The following CFAP46 variants were observed in gnomAD, a reference collection of about 807,000 sequenced individuals.
The protein encoded by CFAP46 is cilia- and flagella-associated protein 46.
In CFAP46, 245 loss-of-function variants were observed where a neutral mutation model predicts 325.7. That is an observed-to-expected ratio of 0.75 (90% confidence interval 0.68 to 0.84). The LOEUF is 0.84. Ranked by LOEUF, CFAP46 falls within the 40% of genes least tolerant of loss-of-function variation. The pLI is 0.00. For missense variants in CFAP46, 3,346 were observed against 3,543.0 expected (o/e 0.94, Z 1.41); for synonymous variants, 1,523 against 1,495.9 (o/e 1.02, Z -0.42).
intron 15 of CFAP46, 139 bp from the exon 16 acceptor site, chr10:132,918,659 G>A: frequency 8.6e-7 from 1 of 1,167,068 alleles, no homozygotes; most frequent in Non-Finnish European, 1.1e-6. Flanking sequence ...CGGGTAGGCG[G>A]GAGGTGGGCA....
rs996732266 is a variant in CFAP46 at position 132,920,174 on chromosome 10, C to G, written c.1615G>C (p.Gly539Arg). 6.5e-7 allele frequency: 1 copy of G among 1,538,542 alleles called. No homozygotes were observed. Among genetic ancestry groups the G allele is most frequent in the Non-Finnish European group, 8.8e-7 (1 of 1,142,304 alleles). Residue 539 changes from glycine (G) to arginine (R), a missense_variant, in exon 14 of 58, where the codon GGG (glycine) becomes CGG (arginine). Transcript: ENST00000368586. The stretch of plus-strand genomic sequence containing the variant: ...TAGGTGAACCGGCCCCTGTTCTTCC[C>G]GGTGGAGACTGAGGGCGGAAATGCA... ...DSENEAKVSTGKNRGRFTYLC... is the reference protein window; with the variant it reads ...DSENEAKVSTRKNRGRFTYLC...
Position 132,926,443 on chromosome 10 carries a change from G to A in CFAP46, c.1065+125C>T, listed in dbSNP as rs181529278. On this transcript the variant is annotated intron_variant, in intron 10 of 57. Transcript: ENST00000368586. ...CACCCGCTGTCACGGGAGCCAGGGC[G>A]AGTCTAGCAGTGGGGTCCAGGCCAT... The A allele has an allele frequency of 4.6e-4, 319 of 695,084 alleles. 1 individual carries two copies. The Admixed American group carries it at 6.3e-3, about 14-fold the overall frequency. 43.1% of individuals were successfully genotyped at this position (695,084 alleles called of 1,614,324 possible). A position where few individuals can be genotyped will look rare whatever the true frequency, so the allele number is the denominator to read the frequency against.
At chr10:132,822,860 T>TGA (rs1847905572) in intron 50 of CFAP46, among the ~76,000 whole-genome samples, 1 of 142,994 alleles carries the variant, frequency 7.0e-6, no homozygotes, top group Non-Finnish European at 1.5e-5. Context: ...CTGTGTGCTG[T>TGA]GTGCGGTGAT....
intron 33 of CFAP46, among the ~76,000 whole-genome samples, chr10:132,867,855 C>T (rs1848839624): frequency 6.6e-6 from 1 of 152,174 alleles, no homozygotes; most frequent in African/African-American, 2.4e-5. Context: ...CTACAGGTCC[C>T]TGGGTGGGCT....
rs998991884 is a variant in CFAP46 at position 132,832,399 on chromosome 10, C to CA, written c.7117+958_7117+959insT. Reference sequence around the variant, plus strand: ...CCTGGGCTCTTCCTGCCCCCCCCCCCCAATGCTGTGGCCTGGAAATTCCCC... The same window carrying CA: ...CCTGGGCTCTTCCTGCCCCCCCCCCCACAATGCTGTGGCCTGGAAATTCCCC... On this transcript the variant is annotated intron_variant, in intron 50 of 57. Coordinates refer to ENST00000368586, the MANE Select transcript of CFAP46 (RefSeq NM_001200049.3). The surrounding 1 kb of genome is among the most constrained non-coding windows in gnomAD (Gnocchi z 4.1). Among the ~76,000 whole-genome samples the CA allele has an allele frequency of 2.3e-5, 3 of 131,066 alleles. No homozygotes were observed. The highest frequency in any genetic ancestry group is 7.4e-5 in the Admixed American group (1 of 13,550). The allele number at this position is 131,066 out of a possible 152,430, so 86.0% of individuals were successfully genotyped here. A position where few individuals can be genotyped will look rare whatever the true frequency, so the allele number is the denominator to read the frequency against.
At chr10:132,898,227 G>A (rs1352238774) in intron 24 of CFAP46, among the ~76,000 whole-genome samples, 1 of 152,190 alleles carries the variant, frequency 6.6e-6, no homozygotes, top group Non-Finnish European at 1.5e-5. Flanking sequence ...TCCCAGCAGG[G>A]AGCTGCATCC....
chr10:132,897,872 G>A (rs899255985), intron 24 of CFAP46, among the ~76,000 whole-genome samples: 1 of 152,204 alleles, frequency 6.6e-6, no homozygotes, highest in Non-Finnish European at 1.5e-5. Flanking sequence ...CAGCCCAGAG[G>A]CCCCGACACA....
In CFAP46 at chr10:132,880,973, A is replaced by G. The variant is rs951305148; in HGVS notation, c.3687T>C (p.His1229=). 6.4e-7 allele frequency: 1 copy of G among 1,550,480 alleles called. No individual in the cohort carries two copies. The highest frequency in any genetic ancestry group is 2.0e-5 in the Admixed American group (1 of 51,006). Residue 1229 remains histidine, a synonymous_variant, in exon 28 of 58, where the codon CAT becomes CAC. Coordinates refer to ENST00000368586, the MANE Select transcript of CFAP46 (RefSeq NM_001200049.3). ...EYLMEFGQWL[H]HRHFPLEDVV... ...CGTCCTCGAGAGGAAAGTGTCTGTG[A>G]TGGAGCCACTGGCCGAACTCCATGA...
Position 132,919,980 on chromosome 10 carries a change from CCG to C in CFAP46, c.1730+77_1730+78del. ...ACGGCCACATGCAGGGTCAGCTCAG[CCG>C]CCACAGACACTGGCCCTCGGGCTGA... On this transcript the variant is annotated intron_variant, in intron 14 of 57. Transcript: ENST00000368586. This position sits in a 1 kb window ranked among gnomAD's most constrained non-coding sequence, Gnocchi z 9.7. 7.0e-7 allele frequency: 1 copy of C among 1,422,030 alleles called. No individual in the cohort carries two copies. The highest frequency in any genetic ancestry group is 9.2e-7 in the Non-Finnish European group (1 of 1,087,140). 88.1% of individuals were successfully genotyped at this position (1,422,030 alleles called of 1,614,324 possible). A position where few individuals can be genotyped will look rare whatever the true frequency, so the allele number is the denominator to read the frequency against.
intron 54 of CFAP46, among the ~76,000 whole-genome samples, chr10:132,813,418 C>T (rs1287874060): frequency 6.9e-6 from 1 of 144,448 alleles, no homozygotes; most frequent in African/African-American, 2.6e-5. Flanking sequence ...ACACCTGCCC[C>T]TGCAGCCCCA....
At position 132,929,491 on chromosome 10, in the gene CFAP46, G is replaced by A. The variant is rs748498102; in HGVS notation, c.966+214C>T. Reference sequence around the variant, plus strand: ...TGGTGCTGTGGACCCGTGGCCACAAGAAAGGTAAAGAGAAACGGGCAGGTG... The same window carrying A: ...TGGTGCTGTGGACCCGTGGCCACAAAAAAGGTAAAGAGAAACGGGCAGGTG... On this transcript the variant is annotated intron_variant, in intron 9 of 57. Coordinates refer to ENST00000368586, the MANE Select transcript of CFAP46 (RefSeq NM_001200049.3). 5 of 776,046 alleles carry A rather than the reference G, an allele frequency of 6.4e-6. No homozygotes were observed. In the African/African-American group the frequency reaches 8.5e-5, roughly 13 times the overall value. 48.1% of individuals were successfully genotyped at this position (776,046 alleles called of 1,614,324 possible).
At chr10:132,810,664 C>T (rs1847561788) in intron 56 of CFAP46, 175 bp from the exon 57 acceptor site, 3 of 742,378 alleles carry the variant, frequency 4.0e-6, no homozygotes, top group East Asian at 2.7e-5. Flanking sequence ...TCTTGACGCC[C>T]ACCAGGCTCA....
intron 44 of CFAP46, among the ~76,000 whole-genome samples, chr10:132,839,478 C>T (rs1485036388): frequency 2.6e-5 from 4 of 152,220 alleles, no homozygotes; most frequent in African/African-American, 4.8e-5. Context: ...GAACAGCACC[C>T]GAGTTCTTCA....
chr10:132,852,608 G>A (rs1009360096), intron 39 of CFAP46, among the ~76,000 whole-genome samples: 8 of 152,104 alleles, frequency 5.3e-5, no homozygotes, highest in East Asian at 1.9e-4. Context: ...CCACAGACGC[G>A]GTCTGTTTCT....
chr10:132,844,016 C>G (rs74793054), intron 44 of CFAP46, among the ~76,000 whole-genome samples: 38 of 98,906 alleles, frequency 3.8e-4, no homozygotes, highest in Admixed American at 1.2e-3. Context: ...CTGTGGGGCT[C>G]TGGTCTCGGT....
At position 132,808,440 on chromosome 10, in the gene CFAP46, A is replaced by G. The variant is rs1591025018; in HGVS notation, c.8129T>C (p.Val2710Ala). 1.2e-6 allele frequency: 2 copies of G among 1,605,928 alleles called. No individual in the cohort carries two copies. The highest frequency in any genetic ancestry group is 1.7e-5 in the Admixed American group (1 of 59,788). ...GAACACTCAAATCAAAAACAGGCTCACGGTCTGAATAGTCTTCTGGTCTAA... is the reference window on the plus strand; with the variant it reads ...GAACACTCAAATCAAAAACAGGCTCGCGGTCTGAATAGTCTTCTGGTCTAA... ...SCLDQKTIQTVSLFLI is the reference protein window; with the variant it reads ...SCLDQKTIQTASLFLI The change falls in exon 58 of 58, where the codon GTG becomes GCG. Residue 2710 changes from valine to alanine, a missense_variant. Transcript: ENST00000368586. The surrounding 1 kb of genome is among the most constrained non-coding windows in gnomAD (Gnocchi z 6.8).
chr10:132,937,709 G>A (rs780281355), intron 5 of CFAP46, 34 bp from the exon 6 acceptor site: 1 of 1,567,856 alleles, frequency 6.4e-7, no homozygotes, highest in Non-Finnish European at 8.6e-7. Context: ...GGTCAACCTG[G>A]TTGAAACTGT....
At chr10:132,913,920 C>T (rs1161360734) in intron 17 of CFAP46, among the ~76,000 whole-genome samples, 2 of 151,942 alleles carry the variant, frequency 1.3e-5, no homozygotes, top group African/African-American at 4.8e-5. Context: ...TCCAGTTTGT[C>T]CTCATCCTCC....
chr10:132,818,810 C>T (rs1474977843), intron 50 of CFAP46, among the ~76,000 whole-genome samples: 12 of 150,512 alleles, frequency 8.0e-5, no homozygotes, highest in East Asian at 1.9e-4. Flanking sequence ...GCCGAGATTG[C>T]GCCACTGCAC....
Sources: allele counts gnomAD v4.1 joint callset (sites outside exome capture counted in the v4.1 genomes callset), GRCh38; gene constraint gnomAD v4.1.1; non-coding constraint Gnocchi (gnomAD v3.1); transcripts MANE v1.5; gene names NCBI Gene and HGNC (gene_info 2026-07-23, HGNC 2026-07-21).